NAV2: variants seen among roughly 807,000 people sequenced by gnomAD.
NAV2 encodes helicase, APC down-regulated 1.
A neutral mutation model predicts 223.2 loss-of-function variants in NAV2; 54 were observed. That is an observed-to-expected ratio of 0.24 (90% CI 0.19 to 0.30). The LOEUF (loss-of-function observed/expected upper bound fraction) is 0.30, where lower values mean the gene tolerates loss of function less well. Among genes scored for constraint, NAV2 ranks in the 10% least tolerant of loss-of-function variants. The pLI is 1.00. For synonymous variants in NAV2, 1,279 were observed against 1,239.3 expected (o/e 1.03, Z -0.67); for missense variants, 2,806 against 3,147.5 (o/e 0.89, Z 2.60).
intron 1 of NAV2, among the ~76,000 whole-genome samples, chr11:19,724,834 C>G (rs961867303): frequency 1.3e-5 from 2 of 152,174 alleles, no homozygotes; most frequent in African/African-American, 4.8e-5. Context: ...AGCTGGAAGC[C>G]AGAGAGACCT....
At chr11:20,081,322 C>A (rs376320361) in intron 25 of NAV2, among the ~76,000 whole-genome samples, 1 of 152,116 alleles carries the variant, frequency 6.6e-6, no homozygotes, top group East Asian at 1.9e-4. Flanking sequence ...CTCTAATATG[C>A]AATCGATAAA....
chr11:19,788,622 A>C (rs1398890075), intron 1 of NAV2, among the ~76,000 whole-genome samples: 1 of 152,160 alleles, frequency 6.6e-6, no homozygotes, highest in East Asian at 1.9e-4. Context: ...ATGTCACTGT[A>C]CCTGTCTGCT....
intron 22 of NAV2, among the ~76,000 whole-genome samples, chr11:20,073,920 G>T (rs960338837): frequency 2.6e-5 from 4 of 152,070 alleles, no homozygotes; most frequent in Admixed American, 2.0e-4. Flanking sequence ...GGTTTTTTGT[G>T]TCTCTATCTC....
At chr11:19,597,507 A>G (rs185704351) in intron 1 of NAV2, among the ~76,000 whole-genome samples, 1 of 152,342 alleles carries the variant, frequency 6.6e-6, no homozygotes, top group Admixed American at 6.5e-5. Flanking sequence ...GGCTATGAAG[A>G]AGCCATTTAT....
chr11:19,504,070 A>G (rs184591353), intron 1 of NAV2, among the ~76,000 whole-genome samples: 1 of 152,382 alleles, frequency 6.6e-6, no homozygotes, highest in East Asian at 1.9e-4. Context: ...GATGTTCCAC[A>G]TCATATGTCA....
intron 1 of NAV2, among the ~76,000 whole-genome samples, chr11:19,526,932 A>G (rs1344251090): frequency 6.6e-6 from 1 of 152,162 alleles, no homozygotes; most frequent in African/African-American, 2.4e-5. Context: ...TCAGGCCAAC[A>G]TTCCTGAGGA....
intron 1 of NAV2, among the ~76,000 whole-genome samples, chr11:19,533,358 A>G (rs1323543171): frequency 6.6e-6 from 1 of 151,992 alleles, no homozygotes; most frequent in Non-Finnish European, 1.5e-5. Context: ...GACCAAAAAT[A>G]TCTGCAGTCA....
rs546210614 is a variant in NAV2 at position 19,961,503 on chromosome 11, TAAG to T, written c.2645+12427_2645+12429del. Among the ~76,000 whole-genome samples, 195 of 152,350 alleles carry T rather than the reference TAAG, an allele frequency of 1.3e-3. 1 individual carries two copies. The highest frequency in any genetic ancestry group is 0.013 in the Admixed American group (195 of 15,306). On this transcript the variant is annotated intron_variant, in intron 10 of 37. Transcript: ENST00000349880. The stretch of plus-strand genomic sequence containing the variant: ...ATGTGTGCCTGTGCTCAGATCAAGA[TAAG>T]AAGCTTAAGTTTTGTTGGGACCTCA...
chr11:19,395,410 A>G (rs1277369047), intron 1 of NAV2, among the ~76,000 whole-genome samples: 5 of 152,240 alleles, frequency 3.3e-5, no homozygotes, highest in African/African-American at 9.6e-5. Context: ...TGTTTCTGAC[A>G]AAACTGCCCC....
In NAV2 at chr11:19,946,305, C is replaced by T. The variant is rs187950349; in HGVS notation, c.2147-96C>T. On this transcript the variant is annotated intron_variant, in intron 8 of 37. Coordinates refer to ENST00000349880, the MANE Select transcript of NAV2 (RefSeq NM_145117.5). The stretch of plus-strand genomic sequence containing the variant: ...CACCCACAGCAAGGCACGTGCTGAG[C>T]ATGGAATATGGTTATGGTCATAGAC... The T allele has an allele frequency of 2.8e-6, 3 of 1,054,710 alleles. No individual in the cohort carries two copies. The East Asian group carries it at 8.4e-5, about 30-fold the overall frequency. 65.3% of individuals were successfully genotyped at this position (1,054,710 alleles called of 1,614,324 possible). A position where few individuals can be genotyped will look rare whatever the true frequency, so the allele number is the denominator to read the frequency against.
intron 1 of NAV2, among the ~76,000 whole-genome samples, chr11:19,638,684 A>C (rs1477989873): frequency 6.6e-6 from 1 of 152,218 alleles, no homozygotes; most frequent in Non-Finnish European, 1.5e-5. Context: ...ATGAGCCGAA[A>C]TATACACAGG....
chr11:19,465,719 C>T (rs1032977776), intron 1 of NAV2, among the ~76,000 whole-genome samples: 1 of 152,206 alleles, frequency 6.6e-6, no homozygotes, highest in Non-Finnish European at 1.5e-5. Context: ...TTCTTATTAT[C>T]CCACTTGATC....
intron 1 of NAV2, among the ~76,000 whole-genome samples, chr11:19,413,204 G>A (rs2729898): frequency 6.6e-6 from 1 of 151,994 alleles, no homozygotes; most frequent in East Asian, 1.9e-4. Context: ...AATTGGTAAC[G>A]AGAATAACCA....
intron 1 of NAV2, among the ~76,000 whole-genome samples, chr11:19,515,535 T>A (rs2043419758): frequency 6.6e-6 from 1 of 152,244 alleles, no homozygotes; most frequent in Admixed American, 6.5e-5. Context: ...TTTTCCAATA[T>A]AACTTTCCAG....
chr11:19,647,283 C>A (rs923750368), intron 1 of NAV2, among the ~76,000 whole-genome samples: 4 of 152,152 alleles, frequency 2.6e-5, no homozygotes, highest in African/African-American at 9.7e-5. Context: ...CTCTGTTCAT[C>A]AGTTGATGCC....
intron 1 of NAV2, among the ~76,000 whole-genome samples, chr11:19,531,552 G>A (rs1353543072): frequency 2.0e-5 from 3 of 152,214 alleles, no homozygotes; most frequent in Admixed American, 6.5e-5. Context: ...CAGATTACAA[G>A]AGAAAGAAAG....
intron 1 of NAV2, among the ~76,000 whole-genome samples, chr11:19,515,494 T>TA (rs1409748879): frequency 6.6e-6 from 1 of 152,242 alleles, no homozygotes; most frequent in Non-Finnish European, 1.5e-5. Context: ...AAAAGAAATT[T>TA]AAAATTCTAC....
At chr11:19,938,104 AG>A (rs1328100385) in intron 7 of NAV2, among the ~76,000 whole-genome samples, 1 of 152,244 alleles carries the variant, frequency 6.6e-6, no homozygotes, top group Non-Finnish European at 1.5e-5. Flanking sequence ...GGTGCAGCAT[AG>A]TAGAGTTGTA....
At chr11:19,545,111 G>A (rs988448939) in intron 1 of NAV2, among the ~76,000 whole-genome samples, 1 of 152,208 alleles carries the variant, frequency 6.6e-6, no homozygotes, top group African/African-American at 2.4e-5. Flanking sequence ...TGGCCTTGCA[G>A]TTCTCATTCA....
Sources: allele counts gnomAD v4.1 joint callset (sites outside exome capture counted in the v4.1 genomes callset), GRCh38; gene constraint gnomAD v4.1.1; transcripts MANE v1.5; gene names NCBI Gene and HGNC (gene_info 2026-07-23, HGNC 2026-07-21).